Variants in KLHL1 observed in about 807,000 individuals in gnomAD.
The protein encoded by KLHL1 is kelch like family member 1, also known as kelch-like protein 1.
Under a neutral mutation model 77.7 loss-of-function variants are expected in KLHL1, and 47 were observed. The ratio of observed to expected loss-of-function variants is 0.60; its 90% CI spans 0.48 to 0.77. KLHL1 has a LOEUF of 0.77. Among genes scored for constraint, KLHL1 ranks in the 30% least tolerant of loss-of-function variants. The probability of loss-of-function intolerance (pLI) is 0.00; values close to 1 mark genes in which losing one functional copy is unlikely to be tolerated. For synonymous variants in KLHL1, 360 were observed against 325.2 expected (o/e 1.11, Z -1.15); for missense variants, 925 against 910.8 (o/e 1.02, Z -0.20).
intron 6 of KLHL1, among the ~76,000 whole-genome samples, chr13:69,806,106 C>T (rs769058218): frequency 1.6e-4 from 25 of 151,962 alleles, no homozygotes; most frequent in Non-Finnish European, 3.5e-4. Context: ...AGTGGTTATA[C>T]GCATCAATGG....
intron 3 of KLHL1, among the ~76,000 whole-genome samples, chr13:69,943,919 C>T (rs1883440247): frequency 6.6e-6 from 1 of 152,164 alleles, no homozygotes; most frequent in African/African-American, 2.4e-5. Context: ...TTTCTATTGA[C>T]TTCATTTTAC....
At chr13:69,817,575 G>T (rs1373257110) in intron 6 of KLHL1, among the ~76,000 whole-genome samples, 1 of 152,188 alleles carries the variant, frequency 6.6e-6, no homozygotes, top group Non-Finnish European at 1.5e-5. Context: ...CTGCAAGTCT[G>T]TATCATAGAA....
At chr13:69,852,775 A>G (rs1879743336) in intron 5 of KLHL1, among the ~76,000 whole-genome samples, 1 of 152,044 alleles carries the variant, frequency 6.6e-6, no homozygotes, top group Non-Finnish European at 1.5e-5. Context: ...CAAGTAAAGA[A>G]AATTCCACTG....
chr13:69,863,989 A>T (rs1403697508), intron 5 of KLHL1, among the ~76,000 whole-genome samples: 17 of 152,164 alleles, frequency 1.1e-4, no homozygotes. Flanking sequence ...ACATATGAAA[A>T]CTGTAATAAA....
intron 7 of KLHL1, among the ~76,000 whole-genome samples, chr13:69,769,548 T>C (rs1050349769): frequency 9.9e-5 from 15 of 151,926 alleles, no homozygotes; most frequent in African/African-American, 3.6e-4. Flanking sequence ...AGTGAGAACA[T>C]CTATTCCTGT....
intron 1 of KLHL1, among the ~76,000 whole-genome samples, chr13:70,015,928 C>T (rs1000047650): frequency 6.6e-6 from 1 of 152,112 alleles, no homozygotes; most frequent in African/African-American, 2.4e-5. Context: ...TGCATTTCAT[C>T]ATTTCACTTT....
intron 4 of KLHL1, among the ~76,000 whole-genome samples, chr13:69,936,471 C>A (rs768250694): frequency 2.6e-5 from 4 of 151,802 alleles, no homozygotes; most frequent in Non-Finnish European, 5.9e-5. Context: ...TGCCTGTAGT[C>A]CCAGTTACTT....
chr13:69,949,526 T>G (rs1287443677), intron 3 of KLHL1, among the ~76,000 whole-genome samples: 1 of 151,770 alleles, frequency 6.6e-6, no homozygotes, highest in South Asian at 2.1e-4. Flanking sequence ...GTATGTCAGG[T>G]TTCTCCACTG....
At chr13:69,803,790 G>A (rs531525651) in intron 6 of KLHL1, among the ~76,000 whole-genome samples, 16 of 152,294 alleles carry the variant, frequency 1.1e-4, no homozygotes, top group Non-Finnish European at 1.5e-5. Flanking sequence ...GTGGTCTCTA[G>A]AAGCTGAGAA....
chr13:69,754,878 GA>G (rs1216114079), intron 7 of KLHL1, among the ~76,000 whole-genome samples: 1 of 152,122 alleles, frequency 6.6e-6, no homozygotes, highest in Non-Finnish European at 1.5e-5. Flanking sequence ...CTTATCTGAT[GA>G]AATTCCACTG....
At chr13:69,935,232 A>G in intron 4 of KLHL1, among the ~76,000 whole-genome samples, 1 of 147,470 alleles carries the variant, frequency 6.8e-6, no homozygotes, top group African/African-American at 2.5e-5. Flanking sequence ...TACATAGTTC[A>G]CCCACTGGTG....
chr13:70,009,307 T>G (rs1885476459), intron 1 of KLHL1, among the ~76,000 whole-genome samples: 1 of 152,096 alleles, frequency 6.6e-6, no homozygotes, highest in Non-Finnish European at 1.5e-5. Context: ...CTGATGTCAT[T>G]CAAAGCTTCT....
intron 10 of KLHL1, among the ~76,000 whole-genome samples, chr13:69,705,022 C>T (rs1169240795): frequency 6.6e-6 from 1 of 151,714 alleles, no homozygotes; most frequent in Admixed American, 6.6e-5. Flanking sequence ...CTCCTACTCC[C>T]AGCCAGAAAC....
chr13:69,727,429 A>G (rs943177717), intron 8 of KLHL1, among the ~76,000 whole-genome samples: 3 of 152,118 alleles, frequency 2.0e-5, no homozygotes, highest in Non-Finnish European at 4.4e-5. Flanking sequence ...AGAAAAAGCA[A>G]TGAAAGGGGA....
chr13:69,850,640 C>A (rs774165037), intron 5 of KLHL1, among the ~76,000 whole-genome samples: 2 of 151,676 alleles, frequency 1.3e-5, no homozygotes, highest in African/African-American at 4.8e-5. Context: ...CACTTAAATT[C>A]TTATCTTTGA....
intron 1 of KLHL1, among the ~76,000 whole-genome samples, chr13:70,104,340 T>C (rs76379036): frequency 1.2e-3 from 187 of 152,236 alleles, no homozygotes; most frequent in African/African-American, 4.2e-3. Context: ...AAGAAAAAGG[T>C]TGGGTTTTGG....
intron 5 of KLHL1, among the ~76,000 whole-genome samples, chr13:69,841,488 T>C (rs561589745): frequency 4.0e-5 from 6 of 151,572 alleles, no homozygotes; most frequent in Non-Finnish European, 8.8e-5. Flanking sequence ...AAACTAGGAA[T>C]AAATGTAACT....
At chr13:69,717,914 C>T (rs1872843441) in intron 9 of KLHL1, among the ~76,000 whole-genome samples, 1 of 152,064 alleles carries the variant, frequency 6.6e-6, no homozygotes, top group African/African-American at 2.4e-5. Context: ...AACTTAATGC[C>T]TTTCTCAATG....
intron 4 of KLHL1, among the ~76,000 whole-genome samples, chr13:69,917,963 T>G (rs1882502706): frequency 6.6e-6 from 1 of 152,148 alleles, no homozygotes. Flanking sequence ...TATTCATACA[T>G]GTACTCCACA....
Sources: gnomAD v4.1 joint callset for allele counts (sites outside exome capture counted in the v4.1 genomes callset) on GRCh38, gnomAD v4.1.1 for gene constraint, MANE v1.5 for transcripts, NCBI Gene and HGNC (gene_info 2026-07-23, HGNC 2026-07-21) for gene names.